Variants in ADD1 observed in about 807,000 individuals in gnomAD.
ADD1 encodes alpha-adducin.
ADD1 carries 24 observed loss-of-function variants against 80.5 expected under a neutral mutation model. The observed-to-expected ratio is 0.30, with a 90% CI of 0.22 to 0.42. The LOEUF (loss-of-function observed/expected upper bound fraction) is 0.42. Ranked by LOEUF, ADD1 falls within the 10% of genes least tolerant of loss-of-function variation. The probability of loss-of-function intolerance (pLI) is 1.00; values close to 1 mark genes in which losing one functional copy is unlikely to be tolerated. For missense variants in ADD1, 948 were observed against 1,019.0 expected (o/e 0.93, Z 0.95); for synonymous variants, 373 against 393.8 (o/e 0.95, Z 0.63).
At chr4:2,884,900 A>T (rs1032861027) in intron 4 of ADD1, among the ~76,000 whole-genome samples, 1 of 152,232 alleles carries the variant, frequency 6.6e-6, no homozygotes, top group African/African-American at 2.4e-5. Context: ...CTAATAAAAC[A>T]ACTAAGTGTT....
chr4:2,894,466 G>A lies in ADD1; in HGVS notation c.592-116G>A, dbSNP rs184427377. 6,903 of 884,470 alleles carry A rather than the reference G, an allele frequency of 7.8e-3. 46 individuals carry two copies. Among genetic ancestry groups the A allele is most frequent in the Non-Finnish European group, 9.6e-3 (5,845 of 609,830 alleles). The allele number at this position is 884,470 out of a possible 1,614,324, so 54.8% of individuals were successfully genotyped here. A position where few individuals can be genotyped will look rare whatever the true frequency, so the allele number is the denominator to read the frequency against. On this transcript the variant is annotated intron_variant, in intron 5 of 15. Transcript: ENST00000683351. ...AACCTGGGAGGTGGAGGCCGAGGTC[G>A]CACCACTGCACTCCAGCCTGGGCGA...
chr4:2,894,492 C>T, intron 5 of ADD1, 90 bp from the exon 6 acceptor site: 1 of 1,239,822 alleles, frequency 8.1e-7, no homozygotes, highest in Non-Finnish European at 1.1e-6. Flanking sequence ...GCCTGGGCGA[C>T]AGAGCCAGAC....
At chr4:2,900,349 A>G (rs1354885305) in intron 9 of ADD1, 1 of 152,426 alleles carries the variant, frequency 6.6e-6, no homozygotes, top group Non-Finnish European at 1.5e-5. Flanking sequence ...TCTGGAACAG[A>G]TCCCTTCCAT....
intron 1 of ADD1, among the ~76,000 whole-genome samples, chr4:2,858,259 A>G (rs1421550820): frequency 6.6e-6 from 1 of 152,232 alleles, no homozygotes; most frequent in East Asian, 1.9e-4. Context: ...TATTGCTGCT[A>G]CTGCTAATAA....
intron 1 of ADD1, among the ~76,000 whole-genome samples, chr4:2,852,138 TTTTCTTTCTTTCTTTCTTTCTTTCTTTC>T (rs754218185): frequency 4.1e-5 from 4 of 97,578 alleles, no homozygotes; most frequent in South Asian, 4.2e-4. Flanking sequence ...ACCCGGCCTC[TTTTCTTTCTTTCTTTCTTTCTTTCTTTC>T]TTTCTTTCTT....
At chr4:2,893,254 C>T (rs1734611589) in intron 4 of ADD1, among the ~76,000 whole-genome samples, 1 of 148,450 alleles carries the variant, frequency 6.7e-6, no homozygotes, top group Non-Finnish European at 1.5e-5. Context: ...TTTAAAAATT[C>T]ATTTTGTCAG....
intron 1 of ADD1, among the ~76,000 whole-genome samples, chr4:2,869,462 T>C (rs1730078675): frequency 1.3e-5 from 2 of 152,256 alleles, no homozygotes; most frequent in African/African-American, 2.4e-5. Flanking sequence ...GTCTGCCTTG[T>C]GGACCCCATC....
In ADD1 at chr4:2,894,060, G is replaced by A. The variant is rs1326994438; in HGVS notation, c.558G>A (p.Gly186=). 8.7e-6 allele frequency: 14 copies of A among 1,614,030 alleles called. No homozygotes were observed. Among genetic ancestry groups the A allele is most frequent in the Non-Finnish European group, 1.2e-5 (14 of 1,180,018 alleles). Residue 186 remains glycine (G), a synonymous_variant, in exon 5 of 16, where the codon GGG becomes GGA. Coordinates refer to ENST00000683351, the MANE Select transcript of ADD1 (RefSeq NM_001354761.2). ...EQEHFLIVPF[G]LLYSEVTASS... ...AACACTTCCTCATTGTCCCTTTTGG[G>A]CTTCTTTACAGTGAAGTGACTGCAT... is the stretch of plus-strand genomic sequence containing the variant.
chr4:2,898,828 G>T, intron 8 of ADD1: 1 of 431,932 alleles, frequency 2.3e-6, no homozygotes. Flanking sequence ...GTGTGTCATC[G>T]CATATGTGAT....
chr4:2,923,739 T>C (rs1004225152), intron 14 of ADD1, among the ~76,000 whole-genome samples: 1 of 152,258 alleles, frequency 6.6e-6, no homozygotes, highest in Non-Finnish European at 1.5e-5. Context: ...CCCAGTGCTA[T>C]TGTGCGTACA....
intron 3 of ADD1, among the ~76,000 whole-genome samples, chr4:2,882,469 C>G (rs1211492211): frequency 2.0e-5 from 3 of 152,212 alleles, no homozygotes; most frequent in Non-Finnish European, 4.4e-5. Context: ...AGGAAAAGTA[C>G]TGGATGGGTG....
At chr4:2,871,143 T>G (rs1201916036) in intron 1 of ADD1, among the ~76,000 whole-genome samples, 2 of 152,006 alleles carry the variant, frequency 1.3e-5, no homozygotes, top group Non-Finnish European at 2.9e-5. Context: ...TAATTTTTTT[T>G]TGTATTTTTA....
At chr4:2,869,847 C>G (rs901048965) in intron 1 of ADD1, among the ~76,000 whole-genome samples, 8 of 152,188 alleles carry the variant, frequency 5.3e-5, no homozygotes, top group African/African-American at 1.7e-4. Context: ...ATTCCAAAGG[C>G]TCTCTGGAGT....
intron 14 of ADD1, among the ~76,000 whole-genome samples, chr4:2,921,930 A>G (rs149070418): frequency 0.019 from 2,949 of 151,304 alleles, 62 homozygotes; most frequent in African/African-American, 0.047. Context: ...TGATTTGGCT[A>G]TTGATGCTTG....
At chr4:2,884,399 C>A in intron 3 of ADD1, 116 bp from the exon 4 acceptor site, 1 of 701,260 alleles carries the variant, frequency 1.4e-6, no homozygotes, top group African/African-American at 1.8e-5. Flanking sequence ...CTATCATAAG[C>A]ACTACAGCCT....
chr4:2,901,009 G>C (rs1479072585), intron 9 of ADD1: 1 of 152,476 alleles, frequency 6.6e-6, no homozygotes, highest in Non-Finnish European at 1.5e-5. Context: ...CTTGCAGGCA[G>C]AGGTGGGTGC....
chr4:2,885,442 A>G (rs924171382), intron 4 of ADD1, among the ~76,000 whole-genome samples: 3 of 152,138 alleles, frequency 2.0e-5, no homozygotes, highest in Non-Finnish European at 4.4e-5. Context: ...ACTATCTTTG[A>G]GACTCCTGAC....
intron 14 of ADD1, among the ~76,000 whole-genome samples, chr4:2,922,120 C>T (rs1488012189): frequency 2.0e-5 from 3 of 152,114 alleles, no homozygotes; most frequent in African/African-American, 7.2e-5. Flanking sequence ...TACCCACCTT[C>T]TGAAGTCTAC....
chr4:2,894,550 G>A (rs1577605012), intron 5 of ADD1, 32 bp from the exon 6 acceptor site: 1 of 1,540,986 alleles, frequency 6.5e-7, no homozygotes, highest in South Asian at 1.2e-5. Context: ...AAGTCCTCTT[G>A]GTATTTTACA....
Sources: gnomAD v4.1 joint callset for allele counts (sites outside exome capture counted in the v4.1 genomes callset) on GRCh38, gnomAD v4.1.1 for gene constraint, MANE v1.5 for transcripts, NCBI Gene and HGNC (gene_info 2026-07-23, HGNC 2026-07-21) for gene names.